NBPF19: variants seen among roughly 807,000 people sequenced by gnomAD.
The protein encoded by NBPF19 is NBPF member 19, also known as NBPF family member NBPF19.
NBPF19 carries 30 observed loss-of-function variants against 45.9 expected under a neutral mutation model. That is an observed-to-expected ratio of 0.65 (90% CI 0.49 to 0.89). The LOEUF is 0.89. Ranked by LOEUF, NBPF19 falls within the 40% of genes least tolerant of loss-of-function variation. The probability of loss-of-function intolerance (pLI) is 0.00; values close to 1 mark genes in which losing one functional copy is unlikely to be tolerated. For missense variants in NBPF19, 495 were observed against 471.8 expected (o/e 1.05, Z -0.46); for synonymous variants, 183 against 181.2 (o/e 1.01, Z -0.08).
intron 18 of NBPF19, among the ~76,000 whole-genome samples, chr1:149,494,860 TTGA>T (rs2086011842): frequency 3.1e-4 from 1 of 3,210 alleles, no homozygotes; most frequent in East Asian, 4.7e-3. Context: ...AGCTGGGCAT[TTGA>T]TGAGACAGGG....
chr1:149,487,248 C>T (rs1261587443), intron 8 of NBPF19, 84 bp from the exon 9 acceptor site: 2 of 907,868 alleles, frequency 2.2e-6, no homozygotes, highest in African/African-American at 3.3e-5. Flanking sequence ...AGACTGATGT[C>T]CCTGTGTTAG....
At chr1:149,487,440 T>A in intron 9 of NBPF19, 57 bp downstream of exon 9, 1 of 945,452 alleles carries the variant, frequency 1.1e-6, no homozygotes, top group Non-Finnish European at 1.7e-6. Flanking sequence ...AGATGCCAAG[T>A]CCAGGGAAAA....
chr1:149,482,662 G>T (rs1335900886), intron 7 of NBPF19, among the ~76,000 whole-genome samples: 2 of 152,060 alleles, frequency 1.3e-5, no homozygotes, highest in Non-Finnish European at 2.9e-5. Context: ...GCTTTCTCTT[G>T]TGGGCATTTA....
In NBPF19 at chr1:149,556,231, A is replaced by G. The variant is rs1380419043; in HGVS notation, c.*1493A>G. ...TTTTGTCCAAAGTTAATTTTAATCT[A>G]TACAATTAAAACCTTTTGCCTATCA... is the stretch of plus-strand genomic sequence containing the variant. On this transcript the variant is annotated 3_prime_UTR_variant, in exon 94 of 94. Transcript: ENST00000651566. The G allele has an allele frequency of 1.4e-5, 2 of 147,634 alleles. No individual in the cohort carries two copies. Among genetic ancestry groups the G allele is most frequent in the Admixed American group, 1.4e-4 (2 of 14,696 alleles). 9.1% of individuals were successfully genotyped at this position (147,634 alleles called of 1,614,324 possible).
Position 149,483,550 on chromosome 1 carries a change from T to A in NBPF19, c.824+1324T>A, listed in dbSNP as rs1375128283. Among the ~76,000 whole-genome samples the A allele has an allele frequency of 8.9e-4, 133 of 149,244 alleles. 1 individual carries two copies. The highest frequency in any genetic ancestry group is 3.2e-3 in the African/African-American group (128 of 40,524). Reference sequence around the variant, plus strand: ...TTTACATTTAAGGTTAATATTGTTATGTGTGAATTTGATCCTGTCGTTATG... The same window carrying A: ...TTTACATTTAAGGTTAATATTGTTAAGTGTGAATTTGATCCTGTCGTTATG... On this transcript the variant is annotated intron_variant, in intron 7 of 93. Transcript: ENST00000651566.
At chr1:149,488,336 C>G in intron 10 of NBPF19, 151 bp downstream of exon 10, 1 of 640,344 alleles carries the variant, frequency 1.6e-6, no homozygotes, top group South Asian at 1.8e-5. Flanking sequence ...ACTCTAGTTC[C>G]ACTTGGCAGC....
chr1:149,484,707 C>A (rs1487798460), intron 7 of NBPF19, among the ~76,000 whole-genome samples: 1 of 141,148 alleles, frequency 7.1e-6, no homozygotes, highest in Non-Finnish European at 1.5e-5. Context: ...TTCATTTCAA[C>A]CTTGGTGAAT....
chr1:149,538,395 G>A (rs2087036822), intron 73 of NBPF19, among the ~76,000 whole-genome samples: 1 of 17,946 alleles, frequency 5.6e-5, no homozygotes. Context: ...TCATCAGTGT[G>A]TCACCTGGAC....
At chr1:149,554,359 T>G in intron 93 of NBPF19, 136 bp from the exon 94 acceptor site, 1 of 1,342,628 alleles carries the variant, frequency 7.4e-7, no homozygotes, top group Non-Finnish European at 9.9e-7. Flanking sequence ...AGGCAATAAA[T>G]TTTTTTTTTT....
rs1249717431 is a variant in NBPF19, at chr1:149,479,073, C to T, written c.472C>T (p.Leu158Phe). The change falls in exon 4 of 94, where the codon CTT becomes TTT. Residue 158 changes from leucine (L) to phenylalanine (F), a missense_variant. Leu to Phe is a conservative substitution (Grantham distance 22). This residue lies in a region of NBPF19 where 13 missense variants were observed against 20.8 expected (regional missense o/e 0.62). Transcript: ENST00000651566. ...LAEGCRLAQH[L>F]VQKLSPENDN... ...TGAGGGGTGTAGACTGGCACAGCAC[C>T]TTGTCCAAAAGCTCAGCCCAGGTAA... 1.9e-6 allele frequency: 3 copies of T among 1,561,760 alleles called. No individual in the cohort carries two copies. Among genetic ancestry groups the T allele is most frequent in the Non-Finnish European group, 1.8e-6 (2 of 1,135,212 alleles).
intron 9 of NBPF19, 147 bp downstream of exon 9, chr1:149,487,530 TAGAGTA>T (rs1421734688): frequency 1.0e-6 from 1 of 989,262 alleles, no homozygotes; most frequent in African/African-American, 1.6e-5. Context: ...TTGTTCTCAT[TAGAGTA>T]AATGTTTAGG....
rs1183467497 is a variant in NBPF19 at position 149,554,589 on chromosome 1, C to T, written c.11383C>T (p.Pro3795Ser). Residue 3795 changes from proline to serine, a missense_variant, in exon 94 of 94, where the codon CCT becomes TCT. Pro to Ser is a moderately conservative substitution (Grantham distance 74). Coordinates refer to ENST00000651566, the MANE Select transcript of NBPF19 (RefSeq NM_001351365.2). ...YSTPSMYFEL[P>S]DSFQHYRSVF... ...GACTCCGTCAATGTACTTTGAACTA[C>T]CTGACTCATTCCAGCACTACAGAAG... 3.1e-6 allele frequency: 5 copies of T among 1,608,286 alleles called. No individual in the cohort carries two copies. The highest frequency in any genetic ancestry group is 2.2e-5 in the South Asian group (2 of 90,880).
rs1163922115 is a variant in NBPF19, at chr1:149,554,495, G to C, written c.11289G>C (p.Arg3763Ser). The C allele has an allele frequency of 1.2e-6, 2 of 1,607,850 alleles. No homozygotes were observed. The highest frequency in any genetic ancestry group is 1.3e-5 in the African/African-American group (1 of 74,550). ...GEEDQNPPCP[R>S]LNSVLMEVEE... ...TCTTTAGTTTTGTCTCCTTTTCCAG[G>C]CTCAACAGCGTGCTGATGGAAGTGG... The change falls in exon 94 of 94, where the codon AGG becomes AGC. Residue 3763 changes from arginine (R) to serine (S), a missense_variant and splice_region_variant. Around this residue, in one of 8 missense-constraint regions of NBPF19, gnomAD observed 248 missense variants for 95.4 expected, o/e 2.60. Transcript: ENST00000651566.
In NBPF19 at chr1:149,485,135, C is replaced by G. The variant is rs2085442023; in HGVS notation, c.825-995C>G. ...CATTTAAGGTCTTCTCTACACTGTT[C>G]ATTCTGGTTAGCCATTCGTCTAATC... On this transcript the variant is annotated intron_variant, in intron 7 of 93. Transcript: ENST00000651566. Among the ~76,000 whole-genome samples, 2 of 146,636 alleles carry G rather than the reference C, an allele frequency of 1.4e-5. 1 individual carries two copies. The highest frequency in any genetic ancestry group is 5.0e-5 in the African/African-American group (2 of 39,958).
chr1:149,554,326 G>A (rs1571065226), intron 93 of NBPF19, among the ~76,000 whole-genome samples, 169 bp from the exon 94 acceptor site: 1 of 151,488 alleles, frequency 6.6e-6, no homozygotes, highest in African/African-American at 2.4e-5. Flanking sequence ...TTTTCTACCT[G>A]GCCCTGTTCT....
At chr1:149,487,304 A>T (rs2101607544) in intron 8 of NBPF19, 28 bp from the exon 9 acceptor site, 1 of 1,535,626 alleles carries the variant, frequency 6.5e-7, no homozygotes, top group Non-Finnish European at 8.9e-7. Flanking sequence ...AACTTAATGT[A>T]AGAGGGCCCA....
chr1:149,480,447 C>T (rs1224829026), intron 5 of NBPF19, among the ~76,000 whole-genome samples: 1 of 145,456 alleles, frequency 6.9e-6, no homozygotes, highest in Non-Finnish European at 1.5e-5. Flanking sequence ...CTCCTCAGCT[C>T]CTATCTGTCC....
At chr1:149,479,489 C>T (rs1377471371) in intron 4 of NBPF19, among the ~76,000 whole-genome samples, 1,821 of 150,260 alleles carry the variant, frequency 0.012, 56 homozygotes, top group South Asian at 0.023. Flanking sequence ...TTCAGAGTTT[C>T]TCTCTCTCCA....
Position 149,487,328 on chromosome 1 carries a change from GC to G in NBPF19, c.989-3del. 6.4e-7 allele frequency: 1 copy of G among 1,563,360 alleles called. No homozygotes were observed. Among genetic ancestry groups the G allele is most frequent in the South Asian group, 1.1e-5 (1 of 90,380 alleles). ...TAAGAGGGCCCATCTGAATTTATTT[GC>G]AGGACATCGCTGGGATCAAGTGAAA... On this transcript the variant is annotated splice_polypyrimidine_tract_variant and splice_region_variant and intron_variant, in intron 8 of 93. Coordinates refer to ENST00000651566, the MANE Select transcript of NBPF19 (RefSeq NM_001351365.2).
Sources: allele counts gnomAD v4.1 joint callset (sites outside exome capture counted in the v4.1 genomes callset), GRCh38; gene constraint gnomAD v4.1.1; regional missense constraint gnomAD v4.1.1; transcripts MANE v1.5; gene names NCBI Gene and HGNC (gene_info 2026-07-23, HGNC 2026-07-21).